Variants in ANAPC10 observed in about 807,000 individuals in gnomAD.
ANAPC10 encodes the protein anaphase promoting complex subunit 10.
A neutral mutation model predicts 22.0 loss-of-function variants in ANAPC10; 12 were observed. The ratio of observed to expected loss-of-function variants is 0.55; its 90% CI spans 0.35 to 0.88. The LOEUF is 0.88. Among genes scored for constraint, ANAPC10 ranks in the 40% least tolerant of loss-of-function variants. The pLI is 0.01. For synonymous variants in ANAPC10, 65 were observed against 69.5 expected (o/e 0.94, Z 0.32); for missense variants, 188 against 220.9 (o/e 0.85, Z 0.94).
chr4:145,095,884 C>G, intron 2 of ANAPC10, 101 bp downstream of exon 2: 2 of 1,511,620 alleles, frequency 1.3e-6, no homozygotes, highest in Non-Finnish European at 1.8e-6. Context: ...TAGGCATCCA[C>G]TGGGAGTCCT....
intron 2 of ANAPC10, among the ~76,000 whole-genome samples, chr4:145,082,588 GAA>G (rs1746236244): frequency 6.6e-6 from 1 of 152,104 alleles, no homozygotes; most frequent in Non-Finnish European, 1.5e-5. Context: ...ACTGAGACAA[GAA>G]AAAAGATGAC....
intron 4 of ANAPC10, among the ~76,000 whole-genome samples, chr4:145,028,125 T>C (rs1737023707): frequency 2.0e-5 from 3 of 152,122 alleles, no homozygotes; most frequent in Non-Finnish European, 2.9e-5. Context: ...CTTAATTGGA[T>C]TGGGGGATAC....
intron 4 of ANAPC10, among the ~76,000 whole-genome samples, chr4:145,017,381 A>T (rs1488676558): frequency 6.6e-6 from 1 of 152,252 alleles, no homozygotes; most frequent in Non-Finnish European, 1.5e-5. Context: ...GCTCATCATC[A>T]CTGGTCATCA....
chr4:145,072,887 A>C (rs182279191), intron 3 of ANAPC10, among the ~76,000 whole-genome samples: 1 of 150,360 alleles, frequency 6.7e-6, no homozygotes, highest in African/African-American at 2.4e-5. Flanking sequence ...CCTAGTATCT[A>C]TTACGTATCT....
intron 4 of ANAPC10, among the ~76,000 whole-genome samples, chr4:145,035,746 T>C (rs1389932229): frequency 6.6e-6 from 1 of 152,218 alleles, no homozygotes; most frequent in Admixed American, 6.5e-5. Flanking sequence ...TCCTGCCCTA[T>C]GGACTTCACG....
At chr4:145,078,112 C>T (rs568539321) in intron 3 of ANAPC10, among the ~76,000 whole-genome samples, 1 of 152,170 alleles carries the variant, frequency 6.6e-6, no homozygotes, top group South Asian at 2.1e-4. Flanking sequence ...TAATTCTACA[C>T]CTAGAAAACC....
intron 4 of ANAPC10, among the ~76,000 whole-genome samples, chr4:145,000,809 G>A (rs185288378): frequency 1.4e-4 from 22 of 152,286 alleles, no homozygotes; most frequent in African/African-American, 4.8e-4. Flanking sequence ...GTCCATCAGT[G>A]ATAGACTGGA....
chr4:145,058,789 T>C (rs1742446556), intron 4 of ANAPC10, among the ~76,000 whole-genome samples: 1 of 152,104 alleles, frequency 6.6e-6, no homozygotes, highest in Non-Finnish European at 1.5e-5. Context: ...ATGCCCCAAA[T>C]GCATAGTTAC....
intron 4 of ANAPC10, among the ~76,000 whole-genome samples, chr4:145,008,527 T>A (rs1402999513): frequency 6.6e-6 from 1 of 152,184 alleles, no homozygotes; most frequent in Non-Finnish European, 1.5e-5. Flanking sequence ...CAAGGCTGGT[T>A]CAACATATGC....
At chr4:145,097,733 C>A in intron 1 of ANAPC10, 1 of 359,772 alleles carries the variant, frequency 2.8e-6, no homozygotes, top group Non-Finnish European at 5.5e-6. Context: ...AACCTGCAAC[C>A]ATCATTACTA....
chr4:145,087,357 G>T (rs1396715981), intron 2 of ANAPC10, among the ~76,000 whole-genome samples: 1 of 151,956 alleles, frequency 6.6e-6, no homozygotes, highest in African/African-American at 2.4e-5. Context: ...CTAAGGGGCT[G>T]TTTTTTTCTT....
At chr4:145,026,145 A>G (rs1336292419) in intron 4 of ANAPC10, among the ~76,000 whole-genome samples, 1 of 152,172 alleles carries the variant, frequency 6.6e-6, no homozygotes, top group Non-Finnish European at 1.5e-5. Flanking sequence ...ATCCCTTGCC[A>G]CGTGCCCCAG....
chr4:145,053,806 T>TTAAAA, intron 4 of ANAPC10: 1 of 637,258 alleles, frequency 1.6e-6, no homozygotes, highest in Non-Finnish European at 2.8e-6. Flanking sequence ...GGTTCCTGAC[T>TTAAAA]AGGCTCACCT....
At chr4:145,037,564 G>T (rs1324064993) in intron 4 of ANAPC10, among the ~76,000 whole-genome samples, 1 of 152,046 alleles carries the variant, frequency 6.6e-6, no homozygotes, top group Non-Finnish European at 1.5e-5. Flanking sequence ...ACAGGTGGGG[G>T]CATCATAAAT....
intron 3 of ANAPC10, among the ~76,000 whole-genome samples, chr4:145,079,795 T>A (rs1198568860): frequency 1.3e-5 from 2 of 152,034 alleles, no homozygotes; most frequent in African/African-American, 4.8e-5. Context: ...ATATTGCATG[T>A]TCTCACTTAT....
intron 4 of ANAPC10, among the ~76,000 whole-genome samples, chr4:145,037,864 T>C (rs1560857951): frequency 1.3e-5 from 2 of 151,146 alleles, no homozygotes; most frequent in Non-Finnish European, 2.9e-5. Context: ...GGAGGATCGA[T>C]TGAACCTAGA....
intron 2 of ANAPC10, among the ~76,000 whole-genome samples, chr4:145,094,658 T>C (rs1050728921): frequency 2.6e-5 from 4 of 152,164 alleles, no homozygotes; most frequent in African/African-American, 7.2e-5. Flanking sequence ...TAAAGAAATT[T>C]CTCCAAGCTT....
intron 4 of ANAPC10, among the ~76,000 whole-genome samples, chr4:145,031,934 G>C (rs754105326): frequency 9.2e-5 from 14 of 152,152 alleles, no homozygotes; most frequent in Non-Finnish European, 1.8e-4. Context: ...CTATAAAGTG[G>C]GTTGTGCACA....
chr4:145,011,937 G>T (rs1370854117), intron 4 of ANAPC10, among the ~76,000 whole-genome samples: 1 of 151,960 alleles, frequency 6.6e-6, no homozygotes, highest in African/African-American at 2.4e-5. Flanking sequence ...AGCCTTGAGG[G>T]GCTAGGCCCC....
Sources: gnomAD v4.1 joint callset for allele counts (sites outside exome capture counted in the v4.1 genomes callset) on GRCh38, gnomAD v4.1.1 for gene constraint, MANE v1.5 for transcripts, NCBI Gene and HGNC (gene_info 2026-07-23, HGNC 2026-07-21) for gene names.